The following CDH18 variants were observed in gnomAD, a reference collection of about 807,000 sequenced individuals.
CDH18 encodes cadherin 18, also known as cadherin-18.
Under a neutral mutation model 67.9 loss-of-function variants are expected in CDH18, and 31 were observed. The observed-to-expected ratio is 0.46, with a 90% CI of 0.34 to 0.62. CDH18 has a LOEUF of 0.62. Ranked by LOEUF, CDH18 falls within the 20% of genes least tolerant of loss-of-function variation. The pLI is 0.01. For missense variants in CDH18, 890 were observed against 975.5 expected (o/e 0.91, Z 1.17); for synonymous variants, 362 against 347.2 (o/e 1.04, Z -0.48).
At chr5:20,379,278 T>G (rs983547192) in intron 1 of CDH18, among the ~76,000 whole-genome samples, 13 of 152,318 alleles carry the variant, frequency 8.5e-5, no homozygotes, top group Non-Finnish European at 1.5e-5. Flanking sequence ...TTAATATTGC[T>G]AGATCTTATA....
At chr5:19,568,082 G>C (rs7704998) in intron 8 of CDH18, among the ~76,000 whole-genome samples, 11,205 of 152,110 alleles carry the variant, frequency 0.074, 452 homozygotes, top group African/African-American at 0.089. Context: ...GTTTGTTTTA[G>C]TCTATGTCAG....
Position 19,672,300 on chromosome 5 carries a change from A to C in CDH18, c.643+49047T>G, listed in dbSNP as rs183718589. ...AAGTATTCTCACTTTTTTATGTTCCAGTTTACTCATCAATAAAATACAAAT... is the reference window on the plus strand; with the variant it reads ...AAGTATTCTCACTTTTTTATGTTCCCGTTTACTCATCAATAAAATACAAAT... On this transcript the variant is annotated intron_variant, in intron 5 of 12. Coordinates refer to ENST00000382275, the MANE Select transcript of CDH18 (RefSeq NM_004934.5). 2.0e-3 allele frequency among the ~76,000 whole-genome samples: 306 copies of C among 152,250 alleles called. 1 individual carries two copies. The highest frequency in any genetic ancestry group is 0.017 in the Middle Eastern group (5 of 294).
chr5:20,429,371 GAA>G (rs1748565651), intron 1 of CDH18, among the ~76,000 whole-genome samples: 1 of 152,054 alleles, frequency 6.6e-6, no homozygotes, highest in African/African-American at 2.4e-5. Context: ...GTTCTAGAAG[GAA>G]AAGTCATTGT....
intron 2 of CDH18, among the ~76,000 whole-genome samples, chr5:19,912,890 G>A (rs1791309078): frequency 1.3e-5 from 2 of 152,164 alleles, no homozygotes; most frequent in Non-Finnish European, 2.9e-5. Context: ...CTGAGGCTGA[G>A]GAAGCAGCAG....
intron 3 of CDH18, among the ~76,000 whole-genome samples, chr5:19,759,722 A>C (rs2149699466): frequency 6.6e-6 from 1 of 152,276 alleles, no homozygotes; most frequent in South Asian, 2.1e-4. Flanking sequence ...ATGCATGGTT[A>C]ACCTGATAAA....
intron 2 of CDH18, among the ~76,000 whole-genome samples, chr5:19,858,507 C>T (rs899807168): frequency 9.9e-5 from 15 of 152,114 alleles, no homozygotes; most frequent in Admixed American, 2.6e-4. Context: ...AGCATATAAA[C>T]GAACTCAGAA....
chr5:20,093,396 A>G (rs967976749), intron 2 of CDH18, among the ~76,000 whole-genome samples: 3 of 151,874 alleles, frequency 2.0e-5, no homozygotes, highest in African/African-American at 7.3e-5. Flanking sequence ...CTTGCAGGTA[A>G]TACACGTATA....
At chr5:20,546,034 A>G (rs960619849) in intron 1 of CDH18, among the ~76,000 whole-genome samples, 7 of 152,212 alleles carry the variant, frequency 4.6e-5, no homozygotes, top group African/African-American at 1.7e-4. Context: ...GATACACTAC[A>G]TCATCTCTCT....
intron 2 of CDH18, among the ~76,000 whole-genome samples, chr5:19,972,647 A>G (rs1207748877): frequency 1.3e-5 from 2 of 152,040 alleles, no homozygotes; most frequent in African/African-American, 4.8e-5. Flanking sequence ...GACAGACAAT[A>G]ACAAAAATAT....
chr5:20,245,243 A>C (rs1031528277), intron 2 of CDH18, among the ~76,000 whole-genome samples: 1 of 152,176 alleles, frequency 6.6e-6, no homozygotes. Flanking sequence ...AGATGGCATT[A>C]TATTGTAGCA....
chr5:19,716,957 C>T (rs1381114040), intron 5 of CDH18, among the ~76,000 whole-genome samples: 1 of 151,628 alleles, frequency 6.6e-6, no homozygotes, highest in Admixed American at 6.6e-5. Flanking sequence ...TAAAAAATGG[C>T]TTAGTAGTAT....
chr5:20,115,772 G>C (rs758450856), intron 2 of CDH18, among the ~76,000 whole-genome samples: 4 of 152,078 alleles, frequency 2.6e-5, no homozygotes, highest in Non-Finnish European at 5.9e-5. Context: ...GCCTCCATTT[G>C]ATACCTGTGT....
At chr5:19,689,437 T>C (rs1341746611) in intron 5 of CDH18, among the ~76,000 whole-genome samples, 1 of 151,920 alleles carries the variant, frequency 6.6e-6, no homozygotes, top group Admixed American at 6.6e-5. Flanking sequence ...AGCAAAGTTT[T>C]GCTATATGAA....
intron 2 of CDH18, among the ~76,000 whole-genome samples, chr5:19,908,056 C>T (rs1790718182): frequency 6.9e-6 from 1 of 143,904 alleles, no homozygotes; most frequent in Non-Finnish European, 1.5e-5. Context: ...CATTAAAAGG[C>T]TAGTCTTCTA....
At chr5:20,508,323 TTATATATA>T (rs55885279) in intron 1 of CDH18, among the ~76,000 whole-genome samples, 2,157 of 110,986 alleles carry the variant, frequency 0.019, 31 homozygotes, top group African/African-American at 0.034. Flanking sequence ...ATGACTATGA[TTATATATA>T]TATATATATA....
chr5:19,818,898 A>G (rs984435909), intron 3 of CDH18, among the ~76,000 whole-genome samples: 2 of 152,114 alleles, frequency 1.3e-5, no homozygotes, highest in Non-Finnish European at 2.9e-5. Flanking sequence ...TGCTACTATT[A>G]TTTTCTTATC....
intron 3 of CDH18, among the ~76,000 whole-genome samples, chr5:19,767,939 A>G (rs1239871367): frequency 6.6e-6 from 1 of 152,208 alleles, no homozygotes; most frequent in Non-Finnish European, 1.5e-5. Flanking sequence ...CTGAATCTTC[A>G]TATCTTCAAC....
intron 2 of CDH18, among the ~76,000 whole-genome samples, chr5:19,899,211 C>T (rs1451481949): frequency 6.6e-6 from 1 of 151,994 alleles, no homozygotes; most frequent in Non-Finnish European, 1.5e-5. Flanking sequence ...ACCAGGCTGA[C>T]CAACATGGAG....
chr5:20,431,348 G>C (rs528622370), intron 1 of CDH18, among the ~76,000 whole-genome samples: 1 of 151,626 alleles, frequency 6.6e-6, no homozygotes, highest in Non-Finnish European at 1.5e-5. Context: ...AAAACATTAC[G>C]TGGGTATGGT....
Sources: gnomAD v4.1 joint callset for allele counts (sites outside exome capture counted in the v4.1 genomes callset) on GRCh38, gnomAD v4.1.1 for gene constraint, MANE v1.5 for transcripts, NCBI Gene and HGNC (gene_info 2026-07-23, HGNC 2026-07-21) for gene names.